The following PPM1B variants were observed in gnomAD, a reference collection of about 807,000 sequenced individuals.
The protein encoded by PPM1B is protein phosphatase, Mg2+/Mn2+ dependent 1B, also known as protein phosphatase 1B.
A neutral mutation model predicts 43.0 loss-of-function variants in PPM1B; 22 were observed. The ratio of observed to expected loss-of-function variants is 0.51; its 90% CI spans 0.37 to 0.73. The LOEUF (loss-of-function observed/expected upper bound fraction) is 0.73. Among genes scored for constraint, PPM1B ranks in the 30% least tolerant of loss-of-function variants. The probability of loss-of-function intolerance (pLI) is 0.00; values close to 1 mark genes in which losing one functional copy is unlikely to be tolerated. For missense variants in PPM1B, 632 were observed against 584.2 expected (o/e 1.08, Z -0.84); for synonymous variants, 217 against 197.9 (o/e 1.10, Z -0.81).
chr2:44,243,158 T>C (rs1670785837), intron 5 of PPM1B, among the ~76,000 whole-genome samples: 1 of 152,246 alleles, frequency 6.6e-6, no homozygotes, highest in Non-Finnish European at 1.5e-5. Context: ...AAGGGCTTTC[T>C]ACTCACTATG....
chr2:44,187,768 G>T (rs1015837571), intron 1 of PPM1B, among the ~76,000 whole-genome samples: 4 of 150,280 alleles, frequency 2.7e-5, no homozygotes, highest in Non-Finnish European at 5.9e-5. Context: ...CTTTTTTTTT[G>T]AAATGGAGTC....
intron 1 of PPM1B, among the ~76,000 whole-genome samples, chr2:44,170,192 G>A (rs1261271893): frequency 6.6e-6 from 1 of 152,160 alleles, no homozygotes; most frequent in Non-Finnish European, 1.5e-5. Flanking sequence ...GTGCTTCTTA[G>A]GCGTTTGATA....
intron 5 of PPM1B, among the ~76,000 whole-genome samples, chr2:44,221,720 A>G (rs1006135903): frequency 6.6e-6 from 1 of 152,200 alleles, no homozygotes; most frequent in Non-Finnish European, 1.5e-5. Flanking sequence ...GTAAATGATT[A>G]TAAGTAGTAC....
chr2:44,233,720 C>G (rs1288922198), downstream of PPM1B: 1 of 985,852 alleles, frequency 1.0e-6, no homozygotes, highest in Non-Finnish European at 1.2e-6. Context: ...GAGAGCCACA[C>G]ATTTAAATAC....
rs558437907 is a variant in PPM1B, at chr2:44,241,443, T to C, written n.1547-2785T>C. On this transcript the variant is annotated intron_variant and non_coding_transcript_variant, in intron 5 of 5. Coordinates refer to the PPM1B transcript ENST00000378540. ...TAATATTTAAGTGCTGTTTAAAATGTCTTCAAGGCCAGGCTCGGTGGCTCA... is the reference window on the plus strand; with the variant it reads ...TAATATTTAAGTGCTGTTTAAAATGCCTTCAAGGCCAGGCTCGGTGGCTCA... 2.8e-5 allele frequency among the ~76,000 whole-genome samples: 4 copies of C among 144,312 alleles called. No homozygotes were observed. In the East Asian group the frequency reaches 8.5e-4, roughly 31 times the overall value. The allele number at this position is 144,312 out of a possible 152,430, so 94.7% of individuals were successfully genotyped here. A position where few individuals can be genotyped will look rare whatever the true frequency, so the allele number is the denominator to read the frequency against.
rs552544499 is a variant in PPM1B at position 44,203,871 on chromosome 2, C to T, written c.846+1826C>T. The stretch of plus-strand genomic sequence containing the variant: ...AACTCACTTATCCATTGAAAGGATG[C>T]TAGTTTTTGAGAATTTTGACTCGAC... On this transcript the variant is annotated intron_variant, in intron 2 of 5. Coordinates refer to ENST00000282412, the MANE Select transcript of PPM1B (RefSeq NM_002706.6). Among the ~76,000 whole-genome samples, 4 of 152,212 alleles carry T rather than the reference C, an allele frequency of 2.6e-5. No individual in the cohort carries two copies. The South Asian group carries it at 8.3e-4, about 32-fold the overall frequency.
At chr2:44,222,819 T>G (rs528040244) in intron 5 of PPM1B, among the ~76,000 whole-genome samples, 9 of 152,170 alleles carry the variant, frequency 5.9e-5, no homozygotes, top group Non-Finnish European at 1.3e-4. Context: ...ATCATGTTTA[T>G]CAGTCTTAAG....
chr2:44,246,446 A>T (rs943581811), downstream of PPM1B, among the ~76,000 whole-genome samples: 22 of 152,152 alleles, frequency 1.4e-4, no homozygotes, highest in Non-Finnish European at 2.9e-5. Flanking sequence ...AGTAACTCCA[A>T]AATTTCATAC....
intron 1 of PPM1B, among the ~76,000 whole-genome samples, chr2:44,170,010 A>G (rs1558380778): frequency 6.6e-6 from 1 of 152,224 alleles, no homozygotes; most frequent in African/African-American, 2.4e-5. Flanking sequence ...ACAACCTTGA[A>G]AAAATTGTAT....
chr2:44,218,485 A>G lies in PPM1B; in HGVS notation c.1082A>G (p.Asn361Ser), dbSNP rs1034431855. The G allele has an allele frequency of 6.3e-7, 1 of 1,580,422 alleles. No individual in the cohort carries two copies. The highest frequency in any genetic ancestry group is 1.2e-5 in the South Asian group (1 of 84,670). Residue 361 changes from asparagine (N) to serine (S), a missense_variant, in exon 5 of 6, where the codon AAT becomes AGT. Around this residue, in one of 3 missense-constraint regions of PPM1B, gnomAD observed 392 missense variants for 302.7 expected, o/e 1.29. Coordinates refer to ENST00000282412, the MANE Select transcript of PPM1B (RefSeq NM_002706.6). ...AGCATGTTTTTTTTTTTTAGGCGTA[A>G]TGTTATTGAAGCTGTTTATAGTAGA... ...PPGGGLAGKR[N>S]VIEAVYSRLN...
At chr2:44,179,142 C>T (rs1349120123) in intron 1 of PPM1B, among the ~76,000 whole-genome samples, 4 of 152,080 alleles carry the variant, frequency 2.6e-5, no homozygotes, top group Non-Finnish European at 5.9e-5. Flanking sequence ...GAGAGCTTCC[C>T]TACACAAGCT....
In PPM1B at chr2:44,201,420, A is replaced by G. The variant is rs950123915; in HGVS notation, c.221A>G (p.His74Arg). The change falls in exon 2 of 6, where the codon CAT becomes CGT. Residue 74 changes from histidine to arginine, a missense_variant. By Grantham distance (29) the His-to-Arg change is conservative. Transcript: ENST00000282412. The surrounding 1 kb of genome is among the most constrained non-coding windows in gnomAD (Gnocchi z 5.4). ...GSRVANYCST[H>R]LLEHITTNED... Reference sequence around the variant, plus strand: ...CGAGTGGCAAATTACTGCTCAACACATTTATTAGAACACATCACTACTAAC... The same window carrying G: ...CGAGTGGCAAATTACTGCTCAACACGTTTATTAGAACACATCACTACTAAC... 1.2e-6 allele frequency: 2 copies of G among 1,614,036 alleles called. No homozygotes were observed. The highest frequency in any genetic ancestry group is 1.3e-5 in the African/African-American group (1 of 74,908).
chr2:44,202,607 A>G (rs1487471639), intron 2 of PPM1B, among the ~76,000 whole-genome samples: 4 of 143,856 alleles, frequency 2.8e-5, no homozygotes, highest in Non-Finnish European at 6.1e-5. Context: ...TGGCTCTCTA[A>G]GTAATACATG....
Position 44,201,350 on chromosome 2 carries a change from GA to G in PPM1B, c.153del (p.Asp52ThrfsTer25). 1 of 1,614,140 alleles carries G rather than the reference GA, an allele frequency of 6.2e-7. No homozygotes were observed. The highest frequency in any genetic ancestry group is 8.5e-7 in the Non-Finnish European group (1 of 1,180,024). On this transcript the variant is annotated frameshift_variant, in exon 2 of 6. Transcript: ENST00000282412. LOFTEE classifies it high-confidence loss of function. This position sits in a 1 kb window ranked among gnomAD's most constrained non-coding sequence, Gnocchi z 5.4. ...TGTTGTAGGTATTCCTCACGGCTTG[GA>G]AGACTGGTCATTTTTTGCAGTTTAT... ...TAVVGIPHGLEDWSFFAVYDG... is the reference protein window; with the variant it reads ...TAVVGIPHGLXDWSFFAVYDG...
At chr2:44,227,847 A>G (rs1317600040) in intron 5 of PPM1B, among the ~76,000 whole-genome samples, 2 of 150,594 alleles carry the variant, frequency 1.3e-5, no homozygotes, top group African/African-American at 2.4e-5. Flanking sequence ...TGCCATGAGG[A>G]TACTTCCCCG....
chr2:44,171,757 G>T (rs746953049), intron 1 of PPM1B, among the ~76,000 whole-genome samples: 1 of 151,036 alleles, frequency 6.6e-6, no homozygotes, highest in Non-Finnish European at 1.5e-5. Context: ...TTGGACTCAC[G>T]AGGTGGAGGT....
intron 5 of PPM1B, among the ~76,000 whole-genome samples, chr2:44,242,293 ATAG>A (rs1465856527): frequency 1.3e-5 from 2 of 152,206 alleles, no homozygotes; most frequent in Admixed American, 6.5e-5. Context: ...CAATTTATGG[ATAG>A]TAGTATGTAC....
In PPM1B at chr2:44,170,433, T is replaced by A. The variant is rs192348706; in HGVS notation, c.-15+1159T>A. 1.7e-4 allele frequency among the ~76,000 whole-genome samples: 26 copies of A among 152,358 alleles called. No individual in the cohort carries two copies. In the East Asian group the frequency reaches 3.5e-3, roughly 20 times the overall value. On this transcript the variant is annotated intron_variant, in intron 1 of 5. Coordinates refer to ENST00000282412, the MANE Select transcript of PPM1B (RefSeq NM_002706.6). ...GTAGCTATTTTAGGAAAAACATTCT[T>A]TTTCTGTTAACAAACGTTTACAACT...
downstream of PPM1B, among the ~76,000 whole-genome samples, chr2:44,239,006 AAAAC>A (rs1224215496): frequency 4.0e-5 from 6 of 151,794 alleles, no homozygotes; most frequent in East Asian, 1.9e-4. Context: ...AGAGAGGAGG[AAAAC>A]AAACAAAACA....
Sources: gnomAD v4.1 joint callset for allele counts (sites outside exome capture counted in the v4.1 genomes callset) on GRCh38, gnomAD v4.1.1 for gene constraint, gnomAD v4.1.1 regional missense constraint, Gnocchi (gnomAD v3.1) non-coding constraint, MANE v1.5 for transcripts, NCBI Gene and HGNC (gene_info 2026-07-23, HGNC 2026-07-21) for gene names.